The following FLRT1 variants were observed in gnomAD, a reference collection of about 807,000 sequenced individuals.
FLRT1 encodes fibronectin leucine rich transmembrane protein 1, also known as leucine-rich repeat transmembrane protein FLRT1.
Under a neutral mutation model 30.9 loss-of-function variants are expected in FLRT1, and 14 were observed. The observed-to-expected ratio is 0.45, with a 90% CI of 0.30 to 0.71. The LOEUF is 0.71. FLRT1 is among the 30% of genes least tolerant of loss of function. FLRT1 has a pLI of 0.08. For missense variants in FLRT1, 737 were observed against 949.2 expected, an observed-to-expected ratio of 0.78 and a Z score of 2.94; for synonymous variants, 368 against 430.4, an observed-to-expected ratio of 0.85 and a Z score of 1.80.
rs1217579498 is a variant in FLRT1, at chr11:64,043,834, G to A, written c.-1038+7675G>A. Among the ~76,000 whole-genome samples, 3 of 146,538 alleles carry A rather than the reference G, an allele frequency of 2.0e-5. No individual in the cohort carries two copies. In the East Asian group the frequency reaches 5.9e-4, roughly 29 times the overall value. On this transcript the variant is annotated intron_variant, in intron 1 of 2. Coordinates refer to ENST00000682287, the MANE Select transcript of FLRT1 (RefSeq NM_013280.5). ...GGCATCTTTTTTTTTTTTTTATGAC[G>A]GAGTTTCGCTCTTGTTGCCCAGACT... is the stretch of plus-strand genomic sequence containing the variant.
At chr11:64,116,089 C>A in intron 2 of FLRT1, 130 bp from the exon 3 acceptor site, 2 of 932,506 alleles carry the variant, frequency 2.1e-6, no homozygotes, top group Non-Finnish European at 3.1e-6. Flanking sequence ...TCCAGCTTGA[C>A]CTCACCCCGC....
chr11:64,053,673 C>T (rs1340190425), intron 1 of FLRT1, among the ~76,000 whole-genome samples: 3 of 152,180 alleles, frequency 2.0e-5, no homozygotes, highest in Non-Finnish European at 2.9e-5. Context: ...GCAGGTGTGA[C>T]TGCCTGGGGG....
intron 1 of FLRT1, among the ~76,000 whole-genome samples, chr11:64,101,711 G>A (rs1434265286): frequency 6.6e-6 from 1 of 152,236 alleles, no homozygotes; most frequent in African/African-American, 2.4e-5. Context: ...GCCGCGTGCA[G>A]GGACTCTGTC....
chr11:64,094,257 C>T (rs1944538325), intron 1 of FLRT1, among the ~76,000 whole-genome samples: 1 of 152,102 alleles, frequency 6.6e-6, no homozygotes, highest in Non-Finnish European at 1.5e-5. Context: ...GGTAAAACCA[C>T]GTCTCTACTA....
intron 2 of FLRT1, among the ~76,000 whole-genome samples, chr11:64,115,394 T>G (rs551367618): frequency 4.7e-4 from 71 of 152,136 alleles, no homozygotes; most frequent in African/African-American, 1.6e-3. Context: ...TTTTTTTTTT[T>G]GAATAGCTGA....
rs1267200068 is a variant in FLRT1, at chr11:64,112,602, AGAG to A, written c.-49-3613_-49-3611del. ...AATACTATAGGCAAGCAAGGAACTG[AGAG>A]GAGTATCTGGGAGTTATAATTCTCG... On this transcript the variant is annotated intron_variant, in intron 2 of 2. Coordinates refer to ENST00000682287, the MANE Select transcript of FLRT1 (RefSeq NM_013280.5). 3.6e-3 allele frequency among the ~76,000 whole-genome samples: 550 copies of A among 152,366 alleles called. 2 individuals are homozygous for A. The highest frequency in any genetic ancestry group is 5.9e-3 in the Non-Finnish European group (401 of 68,034).
intron 2 of FLRT1, among the ~76,000 whole-genome samples, chr11:64,113,943 G>A (rs557863209): frequency 1.3e-5 from 2 of 149,436 alleles, no homozygotes; most frequent in African/African-American, 2.5e-5. Flanking sequence ...TGCACGGATG[G>A]ATGGATGGAT....
At chr11:64,079,421 A>G (rs1205889186) in intron 1 of FLRT1, among the ~76,000 whole-genome samples, 1 of 152,048 alleles carries the variant, frequency 6.6e-6, no homozygotes, top group Admixed American at 6.5e-5. Context: ...GGGTGTGCGA[A>G]GACAGTGGGT....
At chr11:64,081,076 C>T (rs970083913) in intron 1 of FLRT1, among the ~76,000 whole-genome samples, 1 of 152,178 alleles carries the variant, frequency 6.6e-6, no homozygotes, top group Non-Finnish European at 1.5e-5. Flanking sequence ...GGCTGGAGTG[C>T]AGTGGCATGA....
At position 64,105,179 on chromosome 11, in the gene FLRT1, C is replaced by T. The variant is rs547912263; in HGVS notation, c.-50+998C>T. ...TATTTATTATAAAAGTGCGCCAGCC[C>T]GACAGCGGGGCCGCGAGCGTGCCTG... On this transcript the variant is annotated intron_variant, in intron 2 of 2. Coordinates refer to ENST00000682287, the MANE Select transcript of FLRT1 (RefSeq NM_013280.5). 1.4e-4 allele frequency among the ~76,000 whole-genome samples: 21 copies of T among 152,322 alleles called. No homozygotes were observed. In the South Asian group the frequency reaches 2.7e-3, roughly 20 times the overall value.
At chr11:64,115,030 A>G (rs960114361) in intron 2 of FLRT1, among the ~76,000 whole-genome samples, 2 of 152,168 alleles carry the variant, frequency 1.3e-5, no homozygotes, top group African/African-American at 4.8e-5. Context: ...TGGCTCAGTG[A>G]GCAGGTGCCG....
chr11:64,117,990 T>C lies in FLRT1; in HGVS notation c.1723T>C (p.Trp575Arg). 6.2e-7 allele frequency: 1 copy of C among 1,613,798 alleles called. No individual in the cohort carries two copies. Among genetic ancestry groups the C allele is most frequent in the Non-Finnish European group, 8.5e-7 (1 of 1,180,004 alleles). ...CTTCCTGGTCCTGGGGGCCATCTGC[T>C]GGTACGTGCACCAGGCTGGCGAGCT... ...FLFLVLGAIC[W>R]YVHQAGELLT... Residue 575 changes from tryptophan (W) to arginine (R), a missense_variant, in exon 3 of 3, where the codon TGG (tryptophan) becomes CGG (arginine). By Grantham distance (101) the Trp-to-Arg change is moderately radical. Transcript: ENST00000682287.
Position 64,096,672 on chromosome 11 carries a change from C to A in FLRT1, c.-1037-6522C>A, listed in dbSNP as rs1341985352. ...CCTCAAGTTATCCGCCTGCCTCAGC[C>A]TCCCAAAGTGCTGGGATTACAGGCA... is the stretch of plus-strand genomic sequence containing the variant. On this transcript the variant is annotated intron_variant, in intron 1 of 2. Coordinates refer to ENST00000682287, the MANE Select transcript of FLRT1 (RefSeq NM_013280.5). The surrounding 1 kb of genome is among the most constrained non-coding windows in gnomAD (Gnocchi z 4.6). Among the ~76,000 whole-genome samples, 5 of 152,346 alleles carry A rather than the reference C, an allele frequency of 3.3e-5. No homozygotes were observed. The highest frequency in any genetic ancestry group is 7.2e-5 in the African/African-American group (3 of 41,580).
intron 1 of FLRT1, among the ~76,000 whole-genome samples, chr11:64,072,101 T>A (rs1312239961): frequency 6.6e-6 from 1 of 152,166 alleles, no homozygotes; most frequent in Non-Finnish European, 1.5e-5. Flanking sequence ...ACTGCTGAAC[T>A]CATAACCGCT....
Position 64,082,661 on chromosome 11 carries a change from G to T in FLRT1, c.-1037-20533G>T, listed in dbSNP as rs534021066. ...GGAGGGTGGGGACCCCCAGCCTGGA[G>T]CCCCAGACCCCTGTCCTGCTCCACC... On this transcript the variant is annotated intron_variant, in intron 1 of 2. Coordinates refer to ENST00000682287, the MANE Select transcript of FLRT1 (RefSeq NM_013280.5). This position sits in a 1 kb window ranked among gnomAD's most constrained non-coding sequence, Gnocchi z 4.5. Among the ~76,000 whole-genome samples, 1 of 152,240 alleles carries T rather than the reference G, an allele frequency of 6.6e-6. No individual in the cohort carries two copies. The highest frequency in any genetic ancestry group is 2.1e-4 in the South Asian group (1 of 4,830).
chr11:64,042,957 G>A (rs1432635470), intron 1 of FLRT1, among the ~76,000 whole-genome samples: 2 of 152,212 alleles, frequency 1.3e-5, no homozygotes, highest in Non-Finnish European at 1.5e-5. Flanking sequence ...GTGGAGACAC[G>A]CCCTGTCCAG....
chr11:64,068,912 C>T (rs2134456385), intron 1 of FLRT1, among the ~76,000 whole-genome samples: 1 of 152,350 alleles, frequency 6.6e-6, no homozygotes, highest in Non-Finnish European at 1.5e-5. Context: ...AAATGGGCAT[C>T]CGTGTGAACC....
chr11:64,086,106 G>A (rs1202618923), intron 1 of FLRT1, among the ~76,000 whole-genome samples: 1 of 152,188 alleles, frequency 6.6e-6, no homozygotes, highest in African/African-American at 2.4e-5. Flanking sequence ...GCCAGGCCAT[G>A]AGCACTCAGC....
chr11:64,105,645 G>A (rs1237677078), intron 2 of FLRT1, among the ~76,000 whole-genome samples: 1 of 152,204 alleles, frequency 6.6e-6, no homozygotes, highest in African/African-American at 2.4e-5. Flanking sequence ...CCACAGGCGT[G>A]AGTGACCCCA....
Sources: gnomAD v4.1 joint callset for allele counts (sites outside exome capture counted in the v4.1 genomes callset) on GRCh38, gnomAD v4.1.1 for gene constraint, Gnocchi (gnomAD v3.1) non-coding constraint, MANE v1.5 for transcripts, NCBI Gene and HGNC (gene_info 2026-07-23, HGNC 2026-07-21) for gene names.